LUM: variants seen among roughly 807,000 people sequenced by gnomAD.
The protein encoded by LUM is lumican, also known as KSPG lumican.
Under a neutral mutation model 20.5 loss-of-function variants are expected in LUM, and 13 were observed. The ratio of observed to expected loss-of-function variants is 0.63; its 90% CI spans 0.41 to 1.01. LUM has a LOEUF of 1.01. LUM is among the 50% of genes least tolerant of loss of function. The probability of loss-of-function intolerance (pLI) is 0.00; values close to 1 mark genes in which losing one functional copy is unlikely to be tolerated. For missense variants in LUM, 321 were observed against 391.1 expected, an observed-to-expected ratio of 0.82 and a Z score of 1.51; for synonymous variants, 173 against 151.5, an observed-to-expected ratio of 1.14 and a Z score of -1.04.
intron 2 of LUM, among the ~76,000 whole-genome samples, chr12:91,106,911 C>T (rs1301670904): frequency 6.6e-6 from 1 of 151,764 alleles, no homozygotes; most frequent in East Asian, 1.9e-4. Flanking sequence ...GTGGCTCACG[C>T]CTGTAATCCC....
intron 2 of LUM, among the ~76,000 whole-genome samples, chr12:91,107,752 C>G (rs1180388487): frequency 6.6e-6 from 1 of 151,530 alleles, no homozygotes; most frequent in Non-Finnish European, 1.5e-5. Flanking sequence ...ATCTGGCTGT[C>G]TTGCCCAGGC....
intron 2 of LUM, 23 bp from the exon 3 acceptor site, chr12:91,104,342 C>T: frequency 6.3e-7 from 1 of 1,576,604 alleles, no homozygotes; most frequent in Non-Finnish European, 8.7e-7. Flanking sequence ...GAATAGAAAA[C>T]ATTAATCATT....
Position 91,107,437 on chromosome 12 carries a change from G to T in LUM, c.862+681C>A, listed in dbSNP as rs1185917133. On this transcript the variant is annotated intron_variant, in intron 2 of 2. Coordinates refer to ENST00000266718, the MANE Select transcript of LUM (RefSeq NM_002345.4). ...TTTGTGGCTATGGAGTTTGCCAACT[G>T]TGCCACTTTTGAACTCATTTCTTCC... 3.9e-5 allele frequency among the ~76,000 whole-genome samples: 6 copies of T among 152,040 alleles called. 1 individual carries two copies. Among genetic ancestry groups the T allele is most frequent in the Admixed American group, 3.9e-4 (6 of 15,262 alleles).
At chr12:91,105,944 G>A (rs1243173610) in intron 2 of LUM, among the ~76,000 whole-genome samples, 3 of 152,108 alleles carry the variant, frequency 2.0e-5, no homozygotes, top group Non-Finnish European at 4.4e-5. Context: ...TAGCATTTTG[G>A]TCTGTCAGAG....
intron 2 of LUM, among the ~76,000 whole-genome samples, chr12:91,105,533 T>A (rs1301940867): frequency 6.6e-6 from 1 of 152,142 alleles, no homozygotes; most frequent in Non-Finnish European, 1.5e-5. Flanking sequence ...AAAAAAACAT[T>A]GAGGGGAACT....
intron 2 of LUM, among the ~76,000 whole-genome samples, chr12:91,107,586 T>A (rs1880110984): frequency 6.6e-6 from 1 of 152,224 alleles, no homozygotes; most frequent in Non-Finnish European, 1.5e-5. Context: ...GAATTTTTAG[T>A]TTGAAGACTT....
intron 2 of LUM, among the ~76,000 whole-genome samples, chr12:91,104,526 G>C (rs1326225460): frequency 6.6e-6 from 1 of 151,954 alleles, no homozygotes; most frequent in Non-Finnish European, 1.5e-5. Flanking sequence ...GAGTAATCAT[G>C]GTAGATCAAG....
At chr12:91,107,325 G>GAAA in intron 2 of LUM, among the ~76,000 whole-genome samples, 1 of 122,980 alleles carries the variant, frequency 8.1e-6, no homozygotes, top group East Asian at 3.0e-4. Flanking sequence ...AAGAAAGAAA[G>GAAA]AAAGAAAGAA....
rs769642101 is a variant in LUM at position 91,108,491 on chromosome 12, G to T, written c.489C>A (p.Phe163Leu). 4 of 1,613,938 alleles carry T rather than the reference G, an allele frequency of 2.5e-6. No individual in the cohort carries two copies. The highest frequency in any genetic ancestry group is 2.5e-6 in the Non-Finnish European group (3 of 1,179,950). ...GSFEGLVNLT[F>L]IHLQHNRLKE... Reference sequence around the variant, plus strand: ...TCAGCCGATTGTGCTGGAGATGGATGAAGGTCAGGTTTACCAATCCTTCAA... The same window carrying T: ...TCAGCCGATTGTGCTGGAGATGGATTAAGGTCAGGTTTACCAATCCTTCAA... The change falls in exon 2 of 3, where the codon TTC becomes TTA. Residue 163 changes from phenylalanine (F) to leucine (L), a missense_variant. Coordinates refer to ENST00000266718, the MANE Select transcript of LUM (RefSeq NM_002345.4). The surrounding 1 kb of genome is among the most constrained non-coding windows in gnomAD (Gnocchi z 4.2).
intron 2 of LUM, among the ~76,000 whole-genome samples, chr12:91,106,453 G>C (rs1328905346): frequency 6.6e-6 from 1 of 152,024 alleles, no homozygotes; most frequent in Non-Finnish European, 1.5e-5. Flanking sequence ...ATTAATGGCA[G>C]AGTTATCCTG....
chr12:91,111,480 T>C lies in LUM; in HGVS notation c.-104A>G, dbSNP rs1270238889. 2 of 149,992 alleles carry C rather than the reference T, an allele frequency of 1.3e-5. No homozygotes were observed. Among genetic ancestry groups the C allele is most frequent in the African/African-American group, 5.0e-5 (2 of 40,308 alleles). The allele number at this position is 149,992 out of a possible 1,614,324, so 9.3% of individuals were successfully genotyped here. A position where few individuals can be genotyped will look rare whatever the true frequency, so the allele number is the denominator to read the frequency against. On this transcript the variant is annotated 5_prime_UTR_variant, in exon 1 of 3. Transcript: ENST00000266718. ...ATCCACCAATATATGCTGTGAACTCTGTCAGGACGGAACTGGCTGCCAGAT... is the reference window on the plus strand; with the variant it reads ...ATCCACCAATATATGCTGTGAACTCCGTCAGGACGGAACTGGCTGCCAGAT...
Position 91,108,093 on chromosome 12 carries a change from A to G in LUM, c.862+25T>C. On this transcript the variant is annotated intron_variant, in intron 2 of 2. Coordinates refer to ENST00000266718, the MANE Select transcript of LUM (RefSeq NM_002345.4). The surrounding 1 kb of genome is among the most constrained non-coding windows in gnomAD (Gnocchi z 4.2). ...TATTTAAACACTTGAGCACACATCA[A>G]ACACAGGAACAGCTTTTTACTTACT... 1 of 1,613,390 alleles carries G rather than the reference A, an allele frequency of 6.2e-7. No homozygotes were observed. The highest frequency in any genetic ancestry group is 2.2e-5 in the East Asian group (1 of 44,856).
chr12:91,102,769 T>C lies in LUM; in HGVS notation c.*1396A>G, dbSNP rs1385806918. 2 of 152,092 alleles carry C rather than the reference T, an allele frequency of 1.3e-5. No homozygotes were observed. Among genetic ancestry groups the C allele is most frequent in the Non-Finnish European group, 2.9e-5 (2 of 67,962 alleles). 9.4% of individuals were successfully genotyped at this position (152,092 alleles called of 1,614,324 possible). A position where few individuals can be genotyped will look rare whatever the true frequency, so the allele number is the denominator to read the frequency against. ...AATCAAAAATACACATTGTACCTAA[T>C]GTAATATCCATCGCACATATCTGCC... On this transcript the variant is annotated 3_prime_UTR_variant, in exon 3 of 3. Coordinates refer to ENST00000266718, the MANE Select transcript of LUM (RefSeq NM_002345.4).
Position 91,108,427 on chromosome 12 carries a change from A to G in LUM, c.553T>C (p.Ser185Pro). 6.2e-7 allele frequency: 1 copy of G among 1,614,114 alleles called. No homozygotes were observed. Among genetic ancestry groups the G allele is most frequent in the Non-Finnish European group, 8.5e-7 (1 of 1,180,000 alleles). The change falls in exon 2 of 3, where the codon TCA becomes CCA. Residue 185 changes from serine (S) to proline (P), a missense_variant. Ser to Pro is a moderately conservative substitution (Grantham distance 74). Transcript: ENST00000266718. The surrounding 1 kb of genome is among the most constrained non-coding windows in gnomAD (Gnocchi z 4.2). ...AVSAAFKGLK[S>P]LEYLDLSFNQ... ...AAGCTCAAGTCAAGGTATTCGAGTG[A>G]TTTAAGACCTTTAAAAGCAGCTGAA...
Position 91,108,081 on chromosome 12 carries a change from G to C in LUM, c.862+37C>G, listed in dbSNP as rs1297367052. 1 of 1,609,884 alleles carries C rather than the reference G, an allele frequency of 6.2e-7. No homozygotes were observed. Among genetic ancestry groups the C allele is most frequent in the African/African-American group, 1.3e-5 (1 of 74,796 alleles). ...GTGCAGCCCAGGTATTTAAACACTT[G>C]AGCACACATCAAACACAGGAACAGC... On this transcript the variant is annotated intron_variant, in intron 2 of 2. Transcript: ENST00000266718. This position sits in a 1 kb window ranked among gnomAD's most constrained non-coding sequence, Gnocchi z 4.2.
chr12:91,109,666 C>A (rs1880160540), intron 1 of LUM, among the ~76,000 whole-genome samples: 1 of 152,084 alleles, frequency 6.6e-6, no homozygotes, highest in African/African-American at 2.4e-5. Flanking sequence ...CATAAATTAG[C>A]TATTTACTAA....
chr12:91,108,410 G>A lies in LUM; in HGVS notation c.570C>T (p.Asp190=), dbSNP rs1300861253. The A allele has an allele frequency of 1.6e-5, 26 of 1,614,016 alleles. No homozygotes were observed. Among genetic ancestry groups the A allele is most frequent in the African/African-American group, 2.7e-5 (2 of 74,932 alleles). The change falls in exon 2 of 3, where the codon GAC becomes GAT. Residue 190 remains aspartate (D), a synonymous_variant. Coordinates refer to ENST00000266718, the MANE Select transcript of LUM (RefSeq NM_002345.4). This position sits in a 1 kb window ranked among gnomAD's most constrained non-coding sequence, Gnocchi z 4.2. ...GTCTGGCTATCTGATTGAAGCTCAA[G>A]TCAAGGTATTCGAGTGATTTAAGAC... ...FKGLKSLEYL[D]LSFNQIARLP... is the part of the protein sequence containing the mutation.
rs927302520 is a variant in LUM, at chr12:91,104,060, G to A, written c.*105C>T. 2.1e-6 allele frequency: 2 copies of A among 956,390 alleles called. No individual in the cohort carries two copies. The highest frequency in any genetic ancestry group is 3.2e-6 in the Non-Finnish European group (2 of 629,408). The allele number at this position is 956,390 out of a possible 1,614,324, so 59.2% of individuals were successfully genotyped here. ...AAATGTTTACAAAACATTTCCCTCAGATTTTAAAATTCATGGAAGTAATAA... is the reference window on the plus strand; with the variant it reads ...AAATGTTTACAAAACATTTCCCTCAAATTTTAAAATTCATGGAAGTAATAA... On this transcript the variant is annotated 3_prime_UTR_variant, in exon 3 of 3. Transcript: ENST00000266718.
chr12:91,107,255 GAAAGAAAGAAAGAAA>G (rs1880074992), intron 2 of LUM, among the ~76,000 whole-genome samples: 5 of 68,206 alleles, frequency 7.3e-5, no homozygotes, highest in Admixed American at 3.8e-4. Flanking sequence ...AAGAAAGAAA[GAAAGAAAGAAAGAAA>G]GAAAGAAAGA....
Sources: allele counts gnomAD v4.1 joint callset (sites outside exome capture counted in the v4.1 genomes callset), GRCh38; gene constraint gnomAD v4.1.1; non-coding constraint Gnocchi (gnomAD v3.1); transcripts MANE v1.5; gene names NCBI Gene and HGNC (gene_info 2026-07-23, HGNC 2026-07-21).